Variants in CCNI observed in about 807,000 individuals in gnomAD.
CCNI encodes cyclin-I.
Under a neutral mutation model 34.1 loss-of-function variants are expected in CCNI, and 14 were observed. The ratio of observed to expected loss-of-function variants is 0.41; its 90% confidence interval spans 0.27 to 0.64. The LOEUF is 0.64. Among genes scored for constraint, CCNI ranks in the 30% least tolerant of loss-of-function variants. The pLI, the probability that CCNI is intolerant of heterozygous loss-of-function variation, is 0.31. For synonymous variants in CCNI, 154 were observed against 158.4 expected (o/e 0.97, Z 0.21); for missense variants, 385 against 440.5 (o/e 0.87, Z 1.13).
intron 1 of CCNI, 31 bp downstream of exon 1, chr4:77,075,441 T>C: frequency 1.2e-6 from 1 of 861,866 alleles, no homozygotes; most frequent in South Asian, 5.3e-5. Flanking sequence ...CGGAGACGCG[T>C]CGAGCCCCCG....
Position 77,075,506 on chromosome 4 carries a change from G to C in CCNI, c.-78C>G, listed in dbSNP as rs1156547873. 1 of 986,906 alleles carries C rather than the reference G, an allele frequency of 1.0e-6. No individual in the cohort carries two copies. Among genetic ancestry groups the C allele is most frequent in the Admixed American group, 6.1e-5 (1 of 16,266 alleles). The allele number at this position is 986,906 out of a possible 1,614,324, so 61.1% of individuals were successfully genotyped here. A position where few individuals can be genotyped will look rare whatever the true frequency, so the allele number is the denominator to read the frequency against. ...CTCTTCCTCCTCCTCCTCCTCCCCG[G>C]CAGAGCTGTAGGCCTCACAGTGGTG... On this transcript the variant is annotated 5_prime_UTR_variant, in exon 1 of 7. Coordinates refer to ENST00000237654, the MANE Select transcript of CCNI (RefSeq NM_006835.3).
Position 77,056,107 on chromosome 4 carries a change from C to G in CCNI, c.319-5G>C. On this transcript the variant is annotated splice_polypyrimidine_tract_variant and splice_region_variant and intron_variant, in intron 4 of 6. Transcript: ENST00000237654. ...TACCTTTAGTACTGGAATTCTCTAT[C>G]CAAAGCAAAGGGGAACAGGGACAGG... The G allele has an allele frequency of 6.2e-7, 1 of 1,612,660 alleles. No homozygotes were observed. The highest frequency in any genetic ancestry group is 8.5e-7 in the Non-Finnish European group (1 of 1,179,520).
Position 77,048,181 on chromosome 4 carries a change from C to A in CCNI, c.*38G>T. 1 of 1,527,020 alleles carries A rather than the reference C, an allele frequency of 6.5e-7. No homozygotes were observed. The highest frequency in any genetic ancestry group is 1.2e-5 in the South Asian group (1 of 84,364). The allele number at this position is 1,527,020 out of a possible 1,614,324, so 94.6% of individuals were successfully genotyped here. A position where few individuals can be genotyped will look rare whatever the true frequency, so the allele number is the denominator to read the frequency against. ...TGCATGTTCTCATTCCCAAAGTAGT[C>A]TACCTTAGTTTACACTCAAAGGTAG... is the stretch of plus-strand genomic sequence containing the variant. On this transcript the variant is annotated 3_prime_UTR_variant, in exon 7 of 7. Transcript: ENST00000237654.
At chr4:77,050,096 T>C (rs1204467372) in intron 6 of CCNI, among the ~76,000 whole-genome samples, 2 of 152,222 alleles carry the variant, frequency 1.3e-5, no homozygotes, top group African/African-American at 4.8e-5. Flanking sequence ...TCTACACTCT[T>C]GCTCAACAGT....
At chr4:77,074,878 C>CT (rs1455545651) in intron 1 of CCNI, 2 of 152,186 alleles carry the variant, frequency 1.3e-5, no homozygotes, top group Non-Finnish European at 2.9e-5. Flanking sequence ...CCAGCGGAGG[C>CT]TCCTCTGTCC....
rs375815113 is a variant in CCNI, at chr4:77,067,790, TAAAAA to T, written c.-43-1390_-43-1386del. 5.1e-3 allele frequency among the ~76,000 whole-genome samples: 501 copies of T among 98,696 alleles called. 6 individuals carry two copies. The highest frequency in any genetic ancestry group is 0.019 in the African/African-American group (473 of 24,488). 64.7% of individuals were successfully genotyped at this position (98,696 alleles called of 152,430 possible). A position where few individuals can be genotyped will look rare whatever the true frequency, so the allele number is the denominator to read the frequency against. On this transcript the variant is annotated intron_variant, in intron 1 of 6. Transcript: ENST00000237654. ...GAGCCACCGTGCAGGCTTCTAGGTTTAAAAAAAAAAAAAAAAAAAAAAAAAAAAAG... is the reference window on the plus strand; with the variant it reads ...GAGCCACCGTGCAGGCTTCTAGGTTTAAAAAAAAAAAAAAAAAAAAAAAAG...
At chr4:77,064,583 G>GCGCACA (rs1427868912) in intron 2 of CCNI, 1 of 105,682 alleles carries the variant, frequency 9.5e-6, no homozygotes, top group Admixed American at 1.0e-4. Flanking sequence ...ATGCGCGCGC[G>GCGCACA]CGCACACACA....
chr4:77,072,102 A>G (rs895621195), intron 1 of CCNI, among the ~76,000 whole-genome samples: 2 of 152,146 alleles, frequency 1.3e-5, no homozygotes, highest in African/African-American at 2.4e-5. Context: ...TAAATGCAAA[A>G]TTTCTCAACA....
intron 6 of CCNI, among the ~76,000 whole-genome samples, chr4:77,049,709 C>A (rs1727704695): frequency 6.6e-6 from 1 of 151,392 alleles, no homozygotes; most frequent in African/African-American, 2.4e-5. Flanking sequence ...ACACTAAAAC[C>A]TTTCAACGTA....
intron 1 of CCNI, among the ~76,000 whole-genome samples, chr4:77,072,938 A>C (rs1372572740): frequency 2.0e-5 from 3 of 152,256 alleles, no homozygotes; most frequent in African/African-American, 7.2e-5. Flanking sequence ...ACTATGATAC[A>C]GAAAGCATGG....
chr4:77,048,472 C>G lies in CCNI; in HGVS notation c.881G>C (p.Ser294Thr). 1 of 1,614,108 alleles carries G rather than the reference C, an allele frequency of 6.2e-7. No homozygotes were observed. The highest frequency in any genetic ancestry group is 1.1e-5 in the South Asian group (1 of 91,076). Residue 294 changes from serine to threonine, a missense_variant, in exon 7 of 7, where the codon AGC (serine) becomes ACC (threonine). Physicochemically the swap from Ser to Thr is moderately conservative, Grantham distance 58. This residue lies in a region of CCNI where 250 missense variants were observed against 248.7 expected (regional missense o/e 1.01). Coordinates refer to ENST00000237654, the MANE Select transcript of CCNI (RefSeq NM_006835.3). ...ACCTCTGACTGGCACTTCTGGCTTG[C>G]TGTTGTCCTTGGAGAAGTCTGGGCC... is the stretch of plus-strand genomic sequence containing the variant. ...VPGPDFSKDNSKPEVPVRGTA... is the reference protein window; with the variant it reads ...VPGPDFSKDNTKPEVPVRGTA...
chr4:77,067,667 GTTTT>G (rs145214993), intron 1 of CCNI, among the ~76,000 whole-genome samples: 23 of 137,776 alleles, frequency 1.7e-4, no homozygotes, highest in Middle Eastern at 7.4e-3. Context: ...ATTTTGTGGG[GTTTT>G]TTTTTTTTTT....
chr4:77,069,098 GCTTT>G (rs1729266644), intron 1 of CCNI, among the ~76,000 whole-genome samples: 1 of 152,302 alleles, frequency 6.6e-6, no homozygotes, highest in East Asian at 1.9e-4. Flanking sequence ...TCATAAAGCA[GCTTT>G]CTGTTAACTC....
At chr4:77,066,049 T>G in intron 2 of CCNI, 200 bp downstream of exon 2, 5 of 495,936 alleles carry the variant, frequency 1.0e-5, no homozygotes, top group East Asian at 3.9e-5. Flanking sequence ...TGCAGTGAGC[T>G]GAGATCATGC....
chr4:77,060,625 AT>A (rs558884443), intron 2 of CCNI, among the ~76,000 whole-genome samples: 1,609 of 133,248 alleles, frequency 0.012, 28 homozygotes, highest in East Asian at 0.089. Flanking sequence ...GGCCCGGCTA[AT>A]TTTTTTTTTT....
chr4:77,061,843 G>T (rs1402063986), intron 2 of CCNI, among the ~76,000 whole-genome samples: 2 of 152,046 alleles, frequency 1.3e-5, no homozygotes, highest in African/African-American at 2.4e-5. Context: ...CTAATTTTTT[G>T]TATTTTTAGT....
At position 77,073,736 on chromosome 4, in the gene CCNI, T is replaced by C. The variant is rs4252781; in HGVS notation, c.-44+1736A>G. On this transcript the variant is annotated intron_variant, in intron 1 of 6. Coordinates refer to ENST00000237654, the MANE Select transcript of CCNI (RefSeq NM_006835.3). ...TCTCTGGATTTGTGCAGTTGTGCCC[T>C]GCCTTCCAACATCTGTACTTGGACA... 7.8e-3 allele frequency among the ~76,000 whole-genome samples: 1,182 copies of C among 152,378 alleles called. 8 individuals carry two copies. Among genetic ancestry groups the C allele is most frequent in the Non-Finnish European group, 0.012 (799 of 68,042 alleles).
intron 6 of CCNI, among the ~76,000 whole-genome samples, chr4:77,051,561 T>C (rs1231877702): frequency 6.6e-6 from 1 of 152,144 alleles, no homozygotes; most frequent in Non-Finnish European, 1.5e-5. Context: ...TCCACCCAAG[T>C]CCCAAGTAAG....
At position 77,048,072 on chromosome 4, in the gene CCNI, A is replaced by T; in HGVS notation, c.*147T>A. The T allele has an allele frequency of 1.8e-6, 1 of 559,934 alleles. No individual in the cohort carries two copies. The highest frequency in any genetic ancestry group is 3.1e-6 in the Non-Finnish European group (1 of 320,694). The allele number at this position is 559,934 out of a possible 1,614,324, so 34.7% of individuals were successfully genotyped here. A position where few individuals can be genotyped will look rare whatever the true frequency, so the allele number is the denominator to read the frequency against. On this transcript the variant is annotated 3_prime_UTR_variant, in exon 7 of 7. Coordinates refer to ENST00000237654, the MANE Select transcript of CCNI (RefSeq NM_006835.3). ...CGCTGAATTATAATTAGCCACACAA[A>T]TAATGAGAGTTTTATTTTTTTTTTC...
Sources: gnomAD v4.1 joint callset for allele counts (sites outside exome capture counted in the v4.1 genomes callset) on GRCh38, gnomAD v4.1.1 for gene constraint, gnomAD v4.1.1 regional missense constraint, MANE v1.5 for transcripts, NCBI Gene and HGNC (gene_info 2026-07-23, HGNC 2026-07-21) for gene names.